FHOD3: variants seen among roughly 807,000 people sequenced by gnomAD.
The protein encoded by FHOD3 is FH1/FH2 domain-containing protein 3.
FHOD3 carries 90 observed loss-of-function variants against 173.0 expected under a neutral mutation model. The ratio of observed to expected loss-of-function variants is 0.52; its 90% CI spans 0.44 to 0.62. The LOEUF (loss-of-function observed/expected upper bound fraction) is 0.62, where lower values mean the gene tolerates loss of function less well. Ranked by LOEUF, FHOD3 falls within the 20% of genes least tolerant of loss-of-function variation. The probability of loss-of-function intolerance (pLI) is 0.00; values close to 1 mark genes in which losing one functional copy is unlikely to be tolerated. For missense variants in FHOD3, 1,945 were observed against 2,034.7 expected, an observed-to-expected ratio of 0.96 and a Z score of 0.85; for synonymous variants, 828 against 823.0, an observed-to-expected ratio of 1.01 and a Z score of -0.10.
chr18:36,482,328 AAAG>A (rs146400102), intron 3 of FHOD3, among the ~76,000 whole-genome samples: 1,944 of 152,328 alleles, frequency 0.013, 45 homozygotes, highest in African/African-American at 0.044. Flanking sequence ...CGTGCTTCTG[AAAG>A]AAGAGTATAT....
intron 3 of FHOD3, among the ~76,000 whole-genome samples, chr18:36,393,057 A>G (rs1175870059): frequency 1.3e-5 from 2 of 152,232 alleles, no homozygotes; most frequent in Non-Finnish European, 2.9e-5. Context: ...CCTTTGAGAA[A>G]GAAAGATTAA....
intron 18 of FHOD3, chr18:36,709,641 T>C: frequency 2.1e-6 from 1 of 474,504 alleles, no homozygotes; most frequent in Non-Finnish European, 3.7e-6. Context: ...CCTCCACACC[T>C]GGGGAAAAGG....
intron 3 of FHOD3, among the ~76,000 whole-genome samples, chr18:36,493,712 G>A (rs2054589805): frequency 6.6e-6 from 1 of 152,168 alleles, no homozygotes; most frequent in Admixed American, 6.5e-5. Flanking sequence ...AACCATGATG[G>A]TTGTATTGTC....
At chr18:36,611,738 T>G (rs2032698516) in intron 8 of FHOD3, among the ~76,000 whole-genome samples, 1 of 152,204 alleles carries the variant, frequency 6.6e-6, no homozygotes, top group African/African-American at 2.4e-5. Context: ...GCCAAGGAGA[T>G]TATGTAGCAC....
intron 3 of FHOD3, among the ~76,000 whole-genome samples, chr18:36,402,307 C>T (rs1030442098): frequency 2.0e-4 from 30 of 152,094 alleles, no homozygotes; most frequent in African/African-American, 6.5e-4. Context: ...TAGATTAATA[C>T]GCTGATGACA....
chr18:36,719,877 C>T (rs2040664319), intron 19 of FHOD3, among the ~76,000 whole-genome samples: 1 of 152,196 alleles, frequency 6.6e-6, no homozygotes, highest in South Asian at 2.1e-4. Context: ...TGATCAGCTT[C>T]CTTTCAAAAT....
intron 3 of FHOD3, among the ~76,000 whole-genome samples, chr18:36,456,844 G>T (rs2052248073): frequency 6.6e-6 from 1 of 152,146 alleles, no homozygotes; most frequent in Admixed American, 6.5e-5. Flanking sequence ...GGGGTGACTT[G>T]CCACAGTGCC....
At chr18:36,564,197 TG>T (rs2058187259) in intron 5 of FHOD3, among the ~76,000 whole-genome samples, 1 of 152,202 alleles carries the variant, frequency 6.6e-6, no homozygotes, top group African/African-American at 2.4e-5. Context: ...GGCTGTGACC[TG>T]TTTTGGAGAG....
chr18:36,679,495 A>C (rs1291698996), intron 14 of FHOD3, among the ~76,000 whole-genome samples: 1 of 151,674 alleles, frequency 6.6e-6, no homozygotes, highest in African/African-American at 2.4e-5. Flanking sequence ...ATTAATTTTT[A>C]CTCTTTCTTT....
chr18:36,369,198 G>A (rs1273666467), intron 2 of FHOD3, among the ~76,000 whole-genome samples: 1 of 152,108 alleles, frequency 6.6e-6, no homozygotes, highest in African/African-American at 2.4e-5. Flanking sequence ...TACTGGAAAG[G>A]CAGGGATAAA....
intron 3 of FHOD3, among the ~76,000 whole-genome samples, chr18:36,435,803 T>C (rs1006749799): frequency 2.0e-5 from 3 of 152,186 alleles, no homozygotes; most frequent in African/African-American, 7.2e-5. Flanking sequence ...TTTTCAGCGT[T>C]ATTACTGATA....
At chr18:36,665,059 T>A (rs2037085869) in intron 14 of FHOD3, among the ~76,000 whole-genome samples, 1 of 152,088 alleles carries the variant, frequency 6.6e-6, no homozygotes. Context: ...TGCCACTGCA[T>A]TCCAGCCTGG....
chr18:36,586,922 A>G (rs1322387548), intron 6 of FHOD3, among the ~76,000 whole-genome samples: 2 of 152,132 alleles, frequency 1.3e-5, no homozygotes, highest in Admixed American at 1.3e-4. Context: ...TCCCCAAAAA[A>G]GGGGGGTCTT....
intron 3 of FHOD3, among the ~76,000 whole-genome samples, chr18:36,409,967 T>C (rs2049270518): frequency 1.3e-5 from 2 of 152,238 alleles, no homozygotes; most frequent in African/African-American, 4.8e-5. Context: ...GTCCCATGCC[T>C]GTCATGATGC....
intron 3 of FHOD3, among the ~76,000 whole-genome samples, chr18:36,413,255 G>T (rs1599019644): frequency 1.3e-5 from 2 of 152,292 alleles, no homozygotes; most frequent in African/African-American, 4.8e-5. Context: ...CTCCTCAGGG[G>T]AACAAGCTCA....
chr18:36,519,436 C>T lies in FHOD3; in HGVS notation c.511+6893C>T, dbSNP rs192469648. ...TTGGCCTACCCCTAGTCTCAGGGCT[C>T]GGGGACTCTCTTGTCCATGTCTCAT... On this transcript the variant is annotated intron_variant, in intron 5 of 28. Coordinates refer to ENST00000590592, the MANE Select transcript of FHOD3 (RefSeq NM_001281740.3). Among the ~76,000 whole-genome samples the T allele has an allele frequency of 3.9e-5, 6 of 152,158 alleles. No homozygotes were observed. The East Asian group carries it at 5.8e-4, about 15-fold the overall frequency.
At position 36,455,181 on chromosome 18, in the gene FHOD3, A is replaced by C. The variant is rs576931604; in HGVS notation, c.338-46751A>C. On this transcript the variant is annotated intron_variant, in intron 3 of 28. Coordinates refer to ENST00000590592, the MANE Select transcript of FHOD3 (RefSeq NM_001281740.3). ...TCAAAGTCACTTCAGTTTCTCATCAATTTTCCAGCATATACTTACAGTAAT... is the reference window on the plus strand; with the variant it reads ...TCAAAGTCACTTCAGTTTCTCATCACTTTTCCAGCATATACTTACAGTAAT... Among the ~76,000 whole-genome samples, 3 of 152,198 alleles carry C rather than the reference A, an allele frequency of 2.0e-5. No homozygotes were observed. In the East Asian group the frequency reaches 5.8e-4, roughly 29 times the overall value.
In FHOD3 at chr18:36,573,150, C is replaced by T. The variant is rs201588019; in HGVS notation, c.512-3301C>T. ...CACATTATTCAGTCTTATTTTTGTT[C>T]TTTTTTTTTTTTTTAACATATTTTA... On this transcript the variant is annotated intron_variant, in intron 5 of 28. Coordinates refer to ENST00000590592, the MANE Select transcript of FHOD3 (RefSeq NM_001281740.3). Among the ~76,000 whole-genome samples, 7 of 140,730 alleles carry T rather than the reference C, an allele frequency of 5.0e-5. No homozygotes were observed. In the South Asian group the frequency reaches 6.7e-4, roughly 14 times the overall value. 92.3% of individuals were successfully genotyped at this position (140,730 alleles called of 152,430 possible).
chr18:36,531,650 A>G (rs544948547), intron 5 of FHOD3, among the ~76,000 whole-genome samples: 2 of 152,358 alleles, frequency 1.3e-5, no homozygotes, highest in Admixed American at 6.5e-5. Flanking sequence ...ACGAACAAAC[A>G]TTGCTTTAAT....
Sources: allele counts gnomAD v4.1 joint callset (sites outside exome capture counted in the v4.1 genomes callset), GRCh38; gene constraint gnomAD v4.1.1; transcripts MANE v1.5; gene names NCBI Gene and HGNC (gene_info 2026-07-23, HGNC 2026-07-21).